SUN5: variants seen among roughly 807,000 people sequenced by gnomAD.
The protein encoded by SUN5 is SUN domain-containing protein 5.
SUN5 carries 44 observed loss-of-function variants against 53.7 expected under a neutral mutation model. That is an observed-to-expected ratio of 0.82 (90% CI 0.64 to 1.05). The LOEUF (loss-of-function observed/expected upper bound fraction) is 1.05. Ranked by LOEUF, SUN5 falls within the 50% of genes least tolerant of loss-of-function variation. SUN5 has a pLI of 0.00. For synonymous variants in SUN5, 166 were observed against 179.8 expected (o/e 0.92, Z 0.62); for missense variants, 433 against 483.8 (o/e 0.90, Z 0.98).
intron 8 of SUN5, among the ~76,000 whole-genome samples, chr20:32,992,656 G>A (rs576983870): frequency 2.8e-4 from 43 of 152,248 alleles, no homozygotes; most frequent in Non-Finnish European, 4.4e-4. Context: ...GAAAAGCCAC[G>A]CTATAGCCTG....
At chr20:32,997,343 T>A (rs1254616436) in intron 6 of SUN5, among the ~76,000 whole-genome samples, 2 of 152,232 alleles carry the variant, frequency 1.3e-5, no homozygotes, top group Non-Finnish European at 2.9e-5. Flanking sequence ...TTCCCTGTTA[T>A]CACCACCCCA....
At chr20:33,003,762 A>G (rs1243933478) in intron 1 of SUN5, among the ~76,000 whole-genome samples, 2 of 152,166 alleles carry the variant, frequency 1.3e-5, no homozygotes, top group Admixed American at 1.3e-4. Context: ...AAGAGGATGA[A>G]AGACATACAT....
chr20:32,987,847 C>G (rs1989590154), intron 9 of SUN5, 72 bp from the exon 10 acceptor site: 4 of 1,253,962 alleles, frequency 3.2e-6, no homozygotes, highest in Non-Finnish European at 4.6e-6. Context: ...ACTGATGGGC[C>G]CTGACTATGT....
chr20:32,987,489 CCTT>C lies in SUN5; in HGVS notation c.729+168_729+170del, dbSNP rs566377806. On this transcript the variant is annotated intron_variant, in intron 10 of 12. Coordinates refer to ENST00000356173, the MANE Select transcript of SUN5 (RefSeq NM_080675.4). Reference sequence around the variant, plus strand: ...GCCCCCGCCTTGTCAGTAGCCCCCTCCTTCTGCTCCCTGCCTTTGCCCCTGCAT... The same window carrying C: ...GCCCCCGCCTTGTCAGTAGCCCCCTCCTGCTCCCTGCCTTTGCCCCTGCAT... 2.3e-3 allele frequency among the ~76,000 whole-genome samples: 350 copies of C among 150,478 alleles called. 2 individuals carry two copies. Among genetic ancestry groups the C allele is most frequent in the African/African-American group, 8.3e-3 (338 of 40,776 alleles).
intron 10 of SUN5, 51 bp downstream of exon 10, chr20:32,987,609 C>G: frequency 2.0e-6 from 3 of 1,500,540 alleles, no homozygotes; most frequent in Non-Finnish European, 2.7e-6. Flanking sequence ...TCCCCAAACC[C>G]TGCCCGGACC....
At chr20:32,996,231 G>T in intron 7 of SUN5, 93 bp downstream of exon 7, 2 of 1,317,336 alleles carry the variant, frequency 1.5e-6, no homozygotes, top group Non-Finnish European at 2.1e-6. Context: ...TGATCTGACT[G>T]CAGAGCCTAT....
intron 8 of SUN5, among the ~76,000 whole-genome samples, chr20:32,990,688 T>C (rs936721486): frequency 2.6e-5 from 4 of 152,198 alleles, no homozygotes; most frequent in African/African-American, 4.8e-5. Flanking sequence ...TGAGTCCCAG[T>C]TGATAGCCAG....
rs1555875150 is a variant in SUN5, at chr20:32,987,650, T to C, written c.729+10A>G. ...CCTGCCGCTGTCCCATCTCCCGCCA[T>C]CCCCCCTGCCTCAAGGATCACGTCT... is the stretch of plus-strand genomic sequence containing the variant. On this transcript the variant is annotated intron_variant, in intron 10 of 12. Coordinates refer to ENST00000356173, the MANE Select transcript of SUN5 (RefSeq NM_080675.4). 9 of 1,487,114 alleles carry C rather than the reference T, an allele frequency of 6.1e-6. No individual in the cohort carries two copies. In the South Asian group the frequency reaches 7.0e-5, roughly 12 times the overall value. The allele number at this position is 1,487,114 out of a possible 1,614,324, so 92.1% of individuals were successfully genotyped here.
chr20:33,002,512 T>A, intron 3 of SUN5, 75 bp downstream of exon 3: 1 of 1,490,464 alleles, frequency 6.7e-7, no homozygotes. Context: ...CACCCCCAGG[T>A]CAGCCTGGGC....
chr20:32,985,627 C>G (rs1205396773), intron 11 of SUN5, 109 bp downstream of exon 11: 2 of 1,384,332 alleles, frequency 1.4e-6, no homozygotes, highest in African/African-American at 1.4e-5. Context: ...GCATTCAGCC[C>G]CTCCAGCCTG....
At chr20:32,997,737 A>C (rs1311878207) in intron 5 of SUN5, 50 bp from the exon 6 acceptor site, 2 of 1,608,162 alleles carry the variant, frequency 1.2e-6, no homozygotes, top group Non-Finnish European at 1.7e-6. Flanking sequence ...CAAGATGAAG[A>C]GCCTAGGTGC....
intron 5 of SUN5, 178 bp downstream of exon 5, chr20:32,999,896 T>C (rs1240815949): frequency 1.9e-6 from 3 of 1,545,236 alleles, no homozygotes; most frequent in Non-Finnish European, 2.6e-6. Flanking sequence ...AAGCATTTCT[T>C]GGCTTCTACA....
chr20:32,983,965 TCA>T lies in SUN5; in HGVS notation c.985-18_985-17del. ...CCGGCTGGTTCTGGAAGAGAATCAG[TCA>T]CAGAGGCAGCTCACCCATAGACTCC... On this transcript the variant is annotated splice_polypyrimidine_tract_variant and intron_variant, in intron 12 of 12. Transcript: ENST00000356173. 6.5e-7 allele frequency: 1 copy of T among 1,543,284 alleles called. No homozygotes were observed. Among genetic ancestry groups the T allele is most frequent in the Non-Finnish European group, 8.8e-7 (1 of 1,142,196 alleles).
chr20:32,997,711 T>C (rs774862882), intron 5 of SUN5, 24 bp from the exon 6 acceptor site: 5 of 1,613,326 alleles, frequency 3.1e-6, no homozygotes, highest in South Asian at 1.1e-5. Flanking sequence ...AGAATAAGAA[T>C]GAGCCATTTA....
At chr20:33,000,156 G>A in intron 4 of SUN5, 21 bp from the exon 5 acceptor site, 1 of 1,592,102 alleles carries the variant, frequency 6.3e-7, no homozygotes, top group Admixed American at 1.8e-5. Flanking sequence ...GGGAGTGGTG[G>A]TCAAGATCAG....
intron 10 of SUN5, 41 bp from the exon 11 acceptor site, chr20:32,985,944 A>T (rs1989527676): frequency 6.3e-7 from 1 of 1,589,562 alleles, no homozygotes; most frequent in South Asian, 1.2e-5. Context: ...CTGGGTGGGT[A>T]GGGGGATCAT....
At position 32,995,611 on chromosome 20, in the gene SUN5, C is replaced by T. The variant is rs759594268; in HGVS notation, c.534+8G>A. 1.9e-5 allele frequency: 31 copies of T among 1,611,958 alleles called. No individual in the cohort carries two copies. The highest frequency in any genetic ancestry group is 1.2e-4 in the African/African-American group (9 of 74,856). On this transcript the variant is annotated splice_region_variant and intron_variant, in intron 8 of 12. Transcript: ENST00000356173. ...TAGATGTTTGGGGCAGAATGGCCAG[C>T]GTCTCACCTCATCGGACATGGCTTC...
At chr20:32,997,220 A>G (rs1989877136) in intron 6 of SUN5, among the ~76,000 whole-genome samples, 1 of 152,220 alleles carries the variant, frequency 6.6e-6, no homozygotes, top group Non-Finnish European at 1.5e-5. Flanking sequence ...TGCAGACCTC[A>G]TGTAGGGAGT....
chr20:32,986,811 C>A (rs935740426), intron 10 of SUN5, among the ~76,000 whole-genome samples: 1 of 152,192 alleles, frequency 6.6e-6, no homozygotes, highest in Non-Finnish European at 1.5e-5. Flanking sequence ...CCGCGTCCCC[C>A]GCCCCAGCCT....
Sources: allele counts gnomAD v4.1 joint callset (sites outside exome capture counted in the v4.1 genomes callset), GRCh38; gene constraint gnomAD v4.1.1; transcripts MANE v1.5; gene names NCBI Gene and HGNC (gene_info 2026-07-23, HGNC 2026-07-21).